Variants in PSTPIP2 observed in about 807,000 individuals in gnomAD.
The protein encoded by PSTPIP2 is proline-serine-threonine phosphatase-interacting protein 2.
PSTPIP2 carries 33 observed loss-of-function variants against 63.3 expected under a neutral mutation model. The ratio of observed to expected loss-of-function variants is 0.52; its 90% CI spans 0.40 to 0.70. The LOEUF is 0.70. Ranked by LOEUF, PSTPIP2 falls within the 30% of genes least tolerant of loss-of-function variation. The pLI is 0.00. For missense variants in PSTPIP2, 312 were observed against 400.7 expected, an observed-to-expected ratio of 0.78 and a Z score of 1.89; for synonymous variants, 125 against 132.7, an observed-to-expected ratio of 0.94 and a Z score of 0.40.
chr18:46,016,906 G>A (rs1299434130), intron 3 of PSTPIP2, among the ~76,000 whole-genome samples: 1 of 152,010 alleles, frequency 6.6e-6, no homozygotes, highest in Non-Finnish European at 1.5e-5. Flanking sequence ...CCAATATTTT[G>A]GCTCCATTTT....
intron 6 of PSTPIP2, among the ~76,000 whole-genome samples, chr18:46,001,566 T>C (rs2051667040): frequency 6.6e-6 from 1 of 152,198 alleles, no homozygotes; most frequent in Admixed American, 6.5e-5. Context: ...TTCAATTCAG[T>C]GGTATTAGAT....
In PSTPIP2 at chr18:46,025,637, T is replaced by C. The variant is rs866580860; in HGVS notation, c.135-951A>G. Among the ~76,000 whole-genome samples the C allele has an allele frequency of 3.9e-4, 59 of 151,384 alleles. No individual in the cohort carries two copies. In the Middle Eastern group the frequency reaches 0.024, roughly 62 times the overall value. On this transcript the variant is annotated intron_variant, in intron 2 of 14. Coordinates refer to ENST00000409746, the MANE Select transcript of PSTPIP2 (RefSeq NM_024430.4). ...CCACCACATTCACAATATGGAGTTCTCTGTAGTACAAAGTCTCCTGAGTTA... is the reference window on the plus strand; with the variant it reads ...CCACCACATTCACAATATGGAGTTCCCTGTAGTACAAAGTCTCCTGAGTTA...
chr18:46,048,177 A>G (rs1373608403), intron 1 of PSTPIP2, among the ~76,000 whole-genome samples: 2 of 152,194 alleles, frequency 1.3e-5, no homozygotes, highest in Admixed American at 6.5e-5. Context: ...GGAGATGTCA[A>G]TGACAAATAC....
chr18:46,054,502 G>A (rs1478967119), intron 1 of PSTPIP2, among the ~76,000 whole-genome samples: 6 of 152,120 alleles, frequency 3.9e-5, no homozygotes, highest in African/African-American at 1.4e-4. Flanking sequence ...ATGAGCTTCA[G>A]TGAATAATAA....
intron 4 of PSTPIP2, among the ~76,000 whole-genome samples, 162 bp downstream of exon 4, chr18:46,015,741 C>A (rs1403997193): frequency 6.6e-6 from 1 of 152,126 alleles, no homozygotes; most frequent in Non-Finnish European, 1.5e-5. Context: ...GCAGGTTCTC[C>A]AGCTCATTTC....
At chr18:45,994,334 C>T (rs1321082803) in intron 9 of PSTPIP2, among the ~76,000 whole-genome samples, 1 of 151,936 alleles carries the variant, frequency 6.6e-6, no homozygotes, top group African/African-American at 2.4e-5. Context: ...TATTGAATAC[C>T]ATAGCTATTT....
At chr18:46,024,496 A>T (rs1446596341) in intron 3 of PSTPIP2, 113 bp downstream of exon 3, 12 of 870,268 alleles carry the variant, frequency 1.4e-5, no homozygotes, top group South Asian at 3.1e-5. Context: ...CTCCAAAAAA[A>T]TTTTTTTTTC....
At chr18:46,057,826 T>C (rs1402772366) in intron 1 of PSTPIP2, among the ~76,000 whole-genome samples, 2 of 151,450 alleles carry the variant, frequency 1.3e-5, no homozygotes, top group African/African-American at 2.4e-5. Flanking sequence ...TGAAACCCCG[T>C]CTCTACTAAA....
chr18:46,001,426 A>AT (rs977475851), intron 6 of PSTPIP2, among the ~76,000 whole-genome samples: 3 of 151,946 alleles, frequency 2.0e-5, no homozygotes, highest in East Asian at 1.9e-4. Flanking sequence ...TCCGTTGCCC[A>AT]TTTTTTTAAC....
intron 8 of PSTPIP2, among the ~76,000 whole-genome samples, chr18:45,998,146 A>T (rs192816648): frequency 1.3e-5 from 2 of 152,302 alleles, no homozygotes; most frequent in African/African-American, 4.8e-5. Flanking sequence ...AGTATTTCCC[A>T]TCGCTTTTCA....
In PSTPIP2 at chr18:46,003,381, T is replaced by G. The variant is rs188626642; in HGVS notation, c.417+2088A>C. On this transcript the variant is annotated intron_variant, in intron 6 of 14. Coordinates refer to ENST00000409746, the MANE Select transcript of PSTPIP2 (RefSeq NM_024430.4). Reference sequence around the variant, plus strand: ...CCACCTTGGCAGGGGAGTTGGGTGCTCTCTACAGCCTGGTGTGGTGGAAGT... The same window carrying G: ...CCACCTTGGCAGGGGAGTTGGGTGCGCTCTACAGCCTGGTGTGGTGGAAGT... Among the ~76,000 whole-genome samples the G allele has an allele frequency of 2.5e-3, 381 of 152,246 alleles. 4 individuals are homozygous for G. The highest frequency in any genetic ancestry group is 8.9e-3 in the African/African-American group (371 of 41,540).
intron 1 of PSTPIP2, among the ~76,000 whole-genome samples, chr18:46,043,003 G>C (rs2144114149): frequency 6.6e-6 from 1 of 152,132 alleles, no homozygotes; most frequent in South Asian, 2.1e-4. Context: ...CTGGCAGCTG[G>C]GAGGTCTGTG....
chr18:46,066,162 A>G (rs1909183132), intron 1 of PSTPIP2, among the ~76,000 whole-genome samples: 1 of 151,936 alleles, frequency 6.6e-6, no homozygotes, highest in Non-Finnish European at 1.5e-5. Context: ...CAATATGGTG[A>G]AACAGCGTTT....
At chr18:45,996,443 G>A (rs1272906362) in intron 9 of PSTPIP2, among the ~76,000 whole-genome samples, 6 of 152,150 alleles carry the variant, frequency 3.9e-5, no homozygotes, top group African/African-American at 1.4e-4. Flanking sequence ...AAGTTCCCAG[G>A]TGATGCTGAT....
At chr18:46,027,219 G>A (rs185282446) in intron 2 of PSTPIP2, among the ~76,000 whole-genome samples, 23 of 151,732 alleles carry the variant, frequency 1.5e-4, no homozygotes, top group South Asian at 2.1e-4. Context: ...CGCTTGAACC[G>A]GGGAGGCAGA....
rs150871441 is a variant in PSTPIP2, at chr18:45,999,010, T to C, written c.517-171A>G. On this transcript the variant is annotated intron_variant, in intron 7 of 14. Coordinates refer to ENST00000409746, the MANE Select transcript of PSTPIP2 (RefSeq NM_024430.4). ...TCATTCAACGTGCCCTGCAATCTTATCAATCTTGGAAAATATCCATAAAGC... is the reference window on the plus strand; with the variant it reads ...TCATTCAACGTGCCCTGCAATCTTACCAATCTTGGAAAATATCCATAAAGC... Among the ~76,000 whole-genome samples the C allele has an allele frequency of 2.0e-3, 301 of 152,310 alleles. 1 individual carries two copies. Among genetic ancestry groups the C allele is most frequent in the African/African-American group, 6.9e-3 (288 of 41,572 alleles).
rs761943130 is a variant in PSTPIP2 at position 45,985,388 on chromosome 18, G to T, written c.*71C>A. ...CATTGCTGACATAACGTGGCTATAGGTCCTGCTGCTCTGGGTGCCCTTTCC... is the reference window on the plus strand; with the variant it reads ...CATTGCTGACATAACGTGGCTATAGTTCCTGCTGCTCTGGGTGCCCTTTCC... On this transcript the variant is annotated 3_prime_UTR_variant, in exon 15 of 15. Transcript: ENST00000409746. 3 of 1,604,148 alleles carry T rather than the reference G, an allele frequency of 1.9e-6. No homozygotes were observed. Among genetic ancestry groups the T allele is most frequent in the South Asian group, 2.2e-5 (2 of 90,712 alleles).
intron 1 of PSTPIP2, among the ~76,000 whole-genome samples, chr18:46,057,908 G>C (rs1159544550): frequency 1.3e-5 from 2 of 150,734 alleles, no homozygotes; most frequent in African/African-American, 4.9e-5. Flanking sequence ...TGAGGCAGGA[G>C]AATGGCGTGA....
intron 2 of PSTPIP2, among the ~76,000 whole-genome samples, chr18:46,027,568 T>C (rs1170334025): frequency 6.6e-6 from 1 of 151,862 alleles, no homozygotes; most frequent in Non-Finnish European, 1.5e-5. Context: ...CACACATCTG[T>C]AGTCCCTGCT....
Sources: allele counts gnomAD v4.1 joint callset (sites outside exome capture counted in the v4.1 genomes callset), GRCh38; gene constraint gnomAD v4.1.1; transcripts MANE v1.5; gene names NCBI Gene and HGNC (gene_info 2026-07-23, HGNC 2026-07-21).